SLC9A9: variants seen among roughly 807,000 people sequenced by gnomAD.
The protein encoded by SLC9A9 is sodium/hydrogen exchanger 9.
Under a neutral mutation model 77.8 loss-of-function variants are expected in SLC9A9, and 62 were observed. The ratio of observed to expected loss-of-function variants is 0.80; its 90% CI spans 0.65 to 0.98. SLC9A9 has a LOEUF of 0.98. Ranked by LOEUF, SLC9A9 falls within the 50% of genes least tolerant of loss-of-function variation. The probability of loss-of-function intolerance (pLI) is 0.00; values close to 1 mark genes in which losing one functional copy is unlikely to be tolerated. For missense variants in SLC9A9, 775 were observed against 774.9 expected, an observed-to-expected ratio of 1.00 and a Z score of 0.00; for synonymous variants, 320 against 283.5, an observed-to-expected ratio of 1.13 and a Z score of -1.29.
chr3:143,524,671 T>C (rs1434197773), intron 9 of SLC9A9, among the ~76,000 whole-genome samples: 3 of 152,212 alleles, frequency 2.0e-5, no homozygotes, highest in Non-Finnish European at 2.9e-5. Context: ...TACATCTCTA[T>C]CAAGATGAAG....
In SLC9A9 at chr3:143,563,529, G is replaced by A. The variant is rs138733449; in HGVS notation, c.1000+10559C>T. ...TGATGCAATTTAAATGCATTGCCTC[G>A]TCCATTGCTTTCTCCTCACTAAATT... On this transcript the variant is annotated intron_variant, in intron 8 of 15. Transcript: ENST00000316549. Among the ~76,000 whole-genome samples, 544 of 152,166 alleles carry A rather than the reference G, an allele frequency of 3.6e-3. 2 individuals carry two copies. Among genetic ancestry groups the A allele is most frequent in the African/African-American group, 0.01 (425 of 41,510 alleles).
At chr3:143,605,700 G>C (rs986923606) in intron 6 of SLC9A9, among the ~76,000 whole-genome samples, 1 of 152,194 alleles carries the variant, frequency 6.6e-6, no homozygotes, top group African/African-American at 2.4e-5. Flanking sequence ...ATATATTGAA[G>C]GAATTGTACA....
At chr3:143,389,601 A>T (rs2033506602) in intron 12 of SLC9A9, among the ~76,000 whole-genome samples, 1 of 152,240 alleles carries the variant, frequency 6.6e-6, no homozygotes, top group Non-Finnish European at 1.5e-5. Context: ...GTAAGATCAG[A>T]TCTGAGCACT....
intron 6 of SLC9A9, among the ~76,000 whole-genome samples, chr3:143,634,689 T>C (rs888093690): frequency 6.6e-6 from 1 of 152,196 alleles, no homozygotes; most frequent in Non-Finnish European, 1.5e-5. Context: ...GAGAGATCCA[T>C]ATTTTCTGCA....
chr3:143,777,454 T>C (rs1560074603), intron 4 of SLC9A9, among the ~76,000 whole-genome samples: 1 of 152,222 alleles, frequency 6.6e-6, no homozygotes, highest in Admixed American at 6.5e-5. Context: ...TTAACTTGCA[T>C]AGAATTAAGA....
intron 9 of SLC9A9, among the ~76,000 whole-genome samples, chr3:143,522,479 G>A (rs1319286987): frequency 6.6e-6 from 1 of 152,100 alleles, no homozygotes; most frequent in African/African-American, 2.4e-5. Flanking sequence ...CAGGCATTTA[G>A]TTGGTCCCAG....
chr3:143,406,252 CAT>C (rs1199420649), intron 12 of SLC9A9, among the ~76,000 whole-genome samples: 13 of 152,104 alleles, frequency 8.5e-5, no homozygotes, highest in Non-Finnish European at 1.3e-4. Flanking sequence ...TTTCAAAACA[CAT>C]AGAGAAAGCT....
chr3:143,301,068 A>G (rs2030496348), intron 14 of SLC9A9, among the ~76,000 whole-genome samples: 1 of 152,166 alleles, frequency 6.6e-6, no homozygotes, highest in African/African-American at 2.4e-5. Context: ...CACCTTCACC[A>G]TGACCTTGGG....
intron 14 of SLC9A9, chr3:143,313,215 G>C (rs2031085685): frequency 6.6e-6 from 1 of 152,244 alleles, no homozygotes; most frequent in Non-Finnish European, 1.5e-5. Flanking sequence ...AGTCTGCTGT[G>C]GGTGGAGGAA....
At chr3:143,289,855 T>C (rs981545554) in intron 14 of SLC9A9, among the ~76,000 whole-genome samples, 6 of 152,156 alleles carry the variant, frequency 3.9e-5, no homozygotes, top group Non-Finnish European at 7.3e-5. Context: ...GCTGACCAGA[T>C]CATGGGACTC....
intron 9 of SLC9A9, among the ~76,000 whole-genome samples, chr3:143,530,300 AT>A (rs2036482386): frequency 6.6e-6 from 1 of 152,186 alleles, no homozygotes; most frequent in Non-Finnish European, 1.5e-5. Context: ...AGATAATTGA[AT>A]CATGGGGGCT....
At chr3:143,705,953 G>C (rs1186692280) in intron 4 of SLC9A9, among the ~76,000 whole-genome samples, 1 of 152,232 alleles carries the variant, frequency 6.6e-6, no homozygotes, top group Admixed American at 6.5e-5. Context: ...AGCGCTAAGT[G>C]TCCTACGAGA....
rs562304196 is a variant in SLC9A9, at chr3:143,646,029, A to C, written c.755+6226T>G. ...ACAGCCAACATCTTCTTTCTCTTCT[A>C]TCATGGGTAGCAAAAGAATTTCAGA... On this transcript the variant is annotated intron_variant, in intron 6 of 15. Transcript: ENST00000316549. Among the ~76,000 whole-genome samples, 4 of 152,220 alleles carry C rather than the reference A, an allele frequency of 2.6e-5. No homozygotes were observed. The South Asian group carries it at 6.2e-4, about 24-fold the overall frequency.
intron 14 of SLC9A9, among the ~76,000 whole-genome samples, chr3:143,324,119 T>C (rs1423141770): frequency 6.6e-6 from 1 of 152,086 alleles, no homozygotes; most frequent in Non-Finnish European, 1.5e-5. Context: ...ATCACCACTC[T>C]CCTTTACTTG....
At chr3:143,825,414 GAA>G (rs11452243) in intron 2 of SLC9A9, among the ~76,000 whole-genome samples, 1 of 148,988 alleles carries the variant, frequency 6.7e-6, no homozygotes, top group Non-Finnish European at 1.5e-5. Flanking sequence ...TGGATGGTGA[GAA>G]AAAAAAAAGG....
intron 4 of SLC9A9, among the ~76,000 whole-genome samples, chr3:143,786,755 C>T (rs139145939): frequency 1.7e-3 from 261 of 152,274 alleles, no homozygotes; most frequent in African/African-American, 5.8e-3. Context: ...ACACCAGTGA[C>T]AGCTATAACT....
intron 12 of SLC9A9, among the ~76,000 whole-genome samples, chr3:143,418,709 A>G (rs1576484239): frequency 1.3e-5 from 2 of 152,334 alleles, no homozygotes; most frequent in South Asian, 4.1e-4. Flanking sequence ...TGAACCTTCT[A>G]GAGAAACCTA....
At chr3:143,718,125 C>G (rs1019775859) in intron 4 of SLC9A9, among the ~76,000 whole-genome samples, 25 of 151,218 alleles carry the variant, frequency 1.7e-4, no homozygotes, top group African/African-American at 6.1e-4. Context: ...CCCACCTAAG[C>G]CATTTCATAC....
At chr3:143,772,022 ATGTG>A (rs55750613) in intron 4 of SLC9A9, among the ~76,000 whole-genome samples, 2,526 of 141,680 alleles carry the variant, frequency 0.018, 44 homozygotes, top group African/African-American at 0.048. Context: ...CATCCCCAGA[ATGTG>A]TGTGTGTGTG....
Sources: gnomAD v4.1 joint callset for allele counts (sites outside exome capture counted in the v4.1 genomes callset) on GRCh38, gnomAD v4.1.1 for gene constraint, MANE v1.5 for transcripts, NCBI Gene and HGNC (gene_info 2026-07-23, HGNC 2026-07-21) for gene names.